Variants in RNF182 observed in about 807,000 individuals in gnomAD.
The protein encoded by RNF182 is E3 ubiquitin-protein ligase RNF182.
A neutral mutation model predicts 14.4 loss-of-function variants in RNF182; 15 were observed. The ratio of observed to expected loss-of-function variants is 1.04; its 90% CI spans 0.70 to 1.60. RNF182 has a LOEUF of 1.60. Among genes scored for constraint, RNF182 ranks in the 40% most tolerant of loss-of-function variants. The pLI, the probability that RNF182 is intolerant of heterozygous loss-of-function variation, is 0.00. For synonymous variants in RNF182, 128 were observed against 122.9 expected (o/e 1.04, Z -0.27); for missense variants, 268 against 294.8 (o/e 0.91, Z 0.67).
At chr6:13,934,700 A>G (rs1009149136) in intron 1 of RNF182, among the ~76,000 whole-genome samples, 12 of 152,224 alleles carry the variant, frequency 7.9e-5, no homozygotes, top group Non-Finnish European at 1.0e-4. Flanking sequence ...CCTTTTTTCT[A>G]GTTTGTTCAT....
chr6:13,945,316 T>C (rs1041880715), intron 1 of RNF182, among the ~76,000 whole-genome samples: 7 of 152,210 alleles, frequency 4.6e-5, no homozygotes, highest in Admixed American at 2.0e-4. Flanking sequence ...TCAGATGTTG[T>C]CATCACAAAA....
chr6:13,937,857 G>T (rs567654565), intron 1 of RNF182, among the ~76,000 whole-genome samples: 1 of 152,184 alleles, frequency 6.6e-6, no homozygotes, highest in African/African-American at 2.4e-5. Context: ...GATGAAAAAT[G>T]ATATCTCATT....
At chr6:13,962,447 A>T (rs1259748622) in intron 1 of RNF182, among the ~76,000 whole-genome samples, 5 of 152,248 alleles carry the variant, frequency 3.3e-5, no homozygotes, top group Non-Finnish European at 7.3e-5. Context: ...GTTTTTGAAG[A>T]TAGAGTTATT....
At chr6:13,955,493 T>A (rs1332433189) in intron 1 of RNF182, among the ~76,000 whole-genome samples, 2 of 152,174 alleles carry the variant, frequency 1.3e-5, no homozygotes, top group East Asian at 3.9e-4. Flanking sequence ...TCCAAAGGAG[T>A]TCATTTTGTT....
At chr6:13,961,027 A>G (rs773589679) in intron 1 of RNF182, among the ~76,000 whole-genome samples, 12 of 152,216 alleles carry the variant, frequency 7.9e-5, no homozygotes, top group Non-Finnish European at 1.8e-4. Context: ...GGTACTAAGC[A>G]AAAACCTAGA....
chr6:13,972,715 C>T (rs1441889118), intron 1 of RNF182, among the ~76,000 whole-genome samples: 5 of 152,204 alleles, frequency 3.3e-5, no homozygotes, highest in East Asian at 1.9e-4. Context: ...GCACAGAAGT[C>T]GAGAATTGAG....
intron 1 of RNF182, among the ~76,000 whole-genome samples, chr6:13,948,756 C>T (rs1759501535): frequency 6.6e-6 from 1 of 152,026 alleles, no homozygotes; most frequent in African/African-American, 2.4e-5. Flanking sequence ...ATTTATTTAG[C>T]CAAAATGACA....
chr6:13,972,387 T>C (rs1003920225), intron 1 of RNF182, among the ~76,000 whole-genome samples: 50 of 151,878 alleles, frequency 3.3e-4, no homozygotes, highest in African/African-American at 1.1e-3. Context: ...ACCAATTTTC[T>C]GAGGAGAAAT....
intron 1 of RNF182, among the ~76,000 whole-genome samples, chr6:13,946,257 C>T (rs998910333): frequency 1.7e-4 from 26 of 151,572 alleles, no homozygotes; most frequent in Non-Finnish European, 1.3e-4. Flanking sequence ...ACCTCTGCCT[C>T]CTGGGTTGAA....
At chr6:13,941,116 C>T (rs186915281) in intron 1 of RNF182, among the ~76,000 whole-genome samples, 1 of 152,030 alleles carries the variant, frequency 6.6e-6, no homozygotes, top group Admixed American at 6.5e-5. Flanking sequence ...AAGTTTCTAT[C>T]TACAATTTTT....
chr6:13,960,375 C>T (rs1759837457), intron 1 of RNF182, among the ~76,000 whole-genome samples: 1 of 152,126 alleles, frequency 6.6e-6, no homozygotes, highest in South Asian at 2.1e-4. Context: ...GGTGCAATGG[C>T]TTATATCTGT....
intron 1 of RNF182, among the ~76,000 whole-genome samples, chr6:13,934,410 T>TA (rs1315027559): frequency 5.9e-5 from 9 of 152,256 alleles, no homozygotes; most frequent in South Asian, 4.1e-4. Context: ...CGCTCACAGT[T>TA]ACGTTAGTTG....
chr6:13,948,408 A>C (rs563546870), intron 1 of RNF182, among the ~76,000 whole-genome samples: 1 of 152,342 alleles, frequency 6.6e-6, no homozygotes, highest in South Asian at 2.1e-4. Context: ...AACAATTATA[A>C]CTATTAATGA....
intron 1 of RNF182, among the ~76,000 whole-genome samples, chr6:13,935,939 G>T (rs1759098389): frequency 6.6e-6 from 1 of 152,248 alleles, no homozygotes; most frequent in Admixed American, 6.5e-5. Context: ...TTGACTCACA[G>T]TTCTGCAGGC....
At chr6:13,973,341 AT>A (rs1409184137) in intron 1 of RNF182, among the ~76,000 whole-genome samples, 9 of 152,150 alleles carry the variant, frequency 5.9e-5, no homozygotes, top group Admixed American at 1.3e-4. Context: ...TAATGTTGAA[AT>A]GAGTTAAGAC....
At chr6:13,940,812 A>G (rs1008580052) in intron 1 of RNF182, among the ~76,000 whole-genome samples, 5 of 152,086 alleles carry the variant, frequency 3.3e-5, no homozygotes, top group African/African-American at 9.7e-5. Context: ...AAAAATATCC[A>G]TGTGTTTTTT....
chr6:13,942,901 T>C (rs1759336331), intron 1 of RNF182, among the ~76,000 whole-genome samples: 1 of 152,192 alleles, frequency 6.6e-6, no homozygotes, highest in Non-Finnish European at 1.5e-5. Context: ...GTTAGGGCTT[T>C]ATGGAAGTAT....
At chr6:13,938,027 T>TG (rs1759182476) in intron 1 of RNF182, among the ~76,000 whole-genome samples, 1 of 147,130 alleles carries the variant, frequency 6.8e-6, no homozygotes, top group Admixed American at 6.7e-5. Flanking sequence ...TTTTTTTTTT[T>TG]GAGACAGAGT....
intron 1 of RNF182, among the ~76,000 whole-genome samples, chr6:13,950,711 G>A (rs1759567123): frequency 6.6e-6 from 1 of 151,924 alleles, no homozygotes; most frequent in African/African-American, 2.4e-5. Flanking sequence ...TGGCCAGGCT[G>A]GTCTTGAACT....
Sources: allele counts gnomAD v4.1 joint callset (sites outside exome capture counted in the v4.1 genomes callset), GRCh38; gene constraint gnomAD v4.1.1; transcripts MANE v1.5; gene names NCBI Gene and HGNC (gene_info 2026-07-23, HGNC 2026-07-21).